Variants in PIGB observed in about 807,000 individuals in gnomAD.
PIGB encodes the protein GPI alpha-1,2-mannosyltransferase 3.
A neutral mutation model predicts 68.4 loss-of-function variants in PIGB; 58 were observed. The ratio of observed to expected loss-of-function variants is 0.85; its 90% CI spans 0.69 to 1.06. The LOEUF (loss-of-function observed/expected upper bound fraction) is 1.06, where lower values mean the gene tolerates loss of function less well. Ranked by LOEUF, PIGB falls within the 50% of genes least tolerant of loss-of-function variation. The pLI is 0.00. For missense variants in PIGB, 634 were observed against 655.8 expected, an observed-to-expected ratio of 0.97 and a Z score of 0.36; for synonymous variants, 219 against 220.5, an observed-to-expected ratio of 0.99 and a Z score of 0.06.
chr15:55,339,195 CA>C, intron 6 of PIGB, 71 bp from the exon 7 acceptor site: 1 of 1,048,056 alleles, frequency 9.5e-7, no homozygotes, highest in Non-Finnish European at 1.4e-6. Flanking sequence ...AAGGCACGTA[CA>C]AAGCCATATG....
chr15:55,321,881 A>C (rs2055175388), intron 3 of PIGB, among the ~76,000 whole-genome samples: 1 of 135,792 alleles, frequency 7.4e-6, no homozygotes, highest in Non-Finnish European at 1.6e-5. Flanking sequence ...CGAACTCCCG[A>C]CCTGAGGTGA....
chr15:55,344,437 T>C (rs974051528), intron 9 of PIGB, among the ~76,000 whole-genome samples: 2 of 152,266 alleles, frequency 1.3e-5, no homozygotes, highest in African/African-American at 4.8e-5. Flanking sequence ...GGAATTTGCA[T>C]ACTGTCACTT....
chr15:55,320,203 C>G (rs1234467259), intron 1 of PIGB, 72 bp from the exon 2 acceptor site: 1 of 1,459,374 alleles, frequency 6.9e-7, no homozygotes, highest in Non-Finnish European at 9.4e-7. Flanking sequence ...ACCAGAGCAG[C>G]AGATTTTAAG....
At chr15:55,332,651 G>A (rs1240035676) in intron 5 of PIGB, among the ~76,000 whole-genome samples, 1 of 152,150 alleles carries the variant, frequency 6.6e-6, no homozygotes, top group African/African-American at 2.4e-5. Flanking sequence ...GGGATTGCAG[G>A]CCTGAGCCAC....
chr15:55,324,866 A>G, intron 3 of PIGB: 2 of 930,978 alleles, frequency 2.1e-6, no homozygotes, highest in South Asian at 9.9e-5. Flanking sequence ...CCTGTATTTT[A>G]CAGGGCACAG....
At chr15:55,330,626 CTT>C (rs1017103073) in intron 5 of PIGB, among the ~76,000 whole-genome samples, 5 of 152,122 alleles carry the variant, frequency 3.3e-5, no homozygotes, top group Admixed American at 6.6e-5. Flanking sequence ...TGGAATGAGA[CTT>C]TGAATTTGGA....
At chr15:55,350,643 G>A in intron 9 of PIGB, 56 bp from the exon 10 acceptor site, 1 of 1,078,542 alleles carries the variant, frequency 9.3e-7, no homozygotes, top group Non-Finnish European at 1.4e-6. Context: ...TGTATTTGCA[G>A]TTAACATAAC....
rs775569291 is a variant in PIGB, at chr15:55,340,824, G to T, written c.1058+1G>T. 2.6e-6 allele frequency: 4 copies of T among 1,557,476 alleles called. No individual in the cohort carries two copies. Among genetic ancestry groups the T allele is most frequent in the South Asian group, 1.2e-5 (1 of 83,214 alleles). ...TGCTGTGGACACTGCTTGTTTATAG[G>T]TAAGATTTTATTTGTTCAAAAGGCT... On this transcript the variant is annotated splice_donor_variant, in intron 8 of 11. Transcript: ENST00000164305. LOFTEE classifies it high-confidence loss of function.
At chr15:55,329,927 A>C in intron 5 of PIGB, 73 bp downstream of exon 5, 1 of 1,111,706 alleles carries the variant, frequency 9.0e-7, no homozygotes, top group Non-Finnish European at 1.3e-6. Context: ...AACATATTGT[A>C]ATGTCTAGTA....
chr15:55,326,485 TAAAA>T (rs35774450), intron 3 of PIGB, among the ~76,000 whole-genome samples: 6,585 of 152,234 alleles, frequency 0.043, 220 homozygotes, highest in Middle Eastern at 0.058. Flanking sequence ...TTGATACATA[TAAAA>T]TAGCATGATA....
chr15:55,354,567 A>C (rs894754696), intron 10 of PIGB: 5 of 433,934 alleles, frequency 1.2e-5, no homozygotes, highest in Non-Finnish European at 2.0e-5. Flanking sequence ...ACTTCTATGC[A>C]CTAGTTTGGG....
intron 6 of PIGB, among the ~76,000 whole-genome samples, chr15:55,334,398 G>C (rs1304564040): frequency 6.6e-6 from 1 of 152,102 alleles, no homozygotes; most frequent in African/African-American, 2.4e-5. Flanking sequence ...TTTTGTAGTA[G>C]AGAAAACAGG....
chr15:55,334,104 T>TC, intron 6 of PIGB, 97 bp downstream of exon 6: 1 of 822,894 alleles, frequency 1.2e-6, no homozygotes, highest in Non-Finnish European at 1.8e-6. Context: ...TTTTATCTTC[T>TC]AATGTCAATG....
intron 3 of PIGB, among the ~76,000 whole-genome samples, chr15:55,324,458 A>G (rs1466189451): frequency 9.2e-5 from 14 of 152,192 alleles, no homozygotes; most frequent in African/African-American, 2.9e-4. Flanking sequence ...GCGAAAGTCT[A>G]CTTTGTTTTA....
In PIGB at chr15:55,319,316, T is replaced by C. The variant is rs748397802; in HGVS notation, c.66T>C (p.His22=). The change falls in exon 1 of 12, where the codon CAT becomes CAC. Residue 22 remains histidine (H), a synonymous_variant. Coordinates refer to ENST00000164305, the MANE Select transcript of PIGB (RefSeq NM_004855.5). ...GCGGAGATGCCAGCCTCACTTTGCATGGTCTCCAGAACCGCTCCCACGGCA... is the reference window on the plus strand; with the variant it reads ...GCGGAGATGCCAGCCTCACTTTGCACGGTCTCCAGAACCGCTCCCACGGCA... ...PGGGDASLTL[H]GLQNRSHGKI... 1.3e-6 allele frequency: 2 copies of C among 1,599,110 alleles called. No homozygotes were observed. The highest frequency in any genetic ancestry group is 1.7e-6 in the Non-Finnish European group (2 of 1,173,340).
At chr15:55,349,962 G>A (rs2055885821) in intron 9 of PIGB, 1 of 152,058 alleles carries the variant, frequency 6.6e-6, no homozygotes, top group Admixed American at 6.6e-5. Flanking sequence ...CTATCAGAGG[G>A]GAGAGAGACT....
chr15:55,351,110 C>CTTTTTTTT (rs374683561), intron 10 of PIGB, among the ~76,000 whole-genome samples, 198 bp downstream of exon 10: 3 of 135,728 alleles, frequency 2.2e-5, no homozygotes, highest in Non-Finnish European at 1.6e-5. Context: ...AACTTTTTTT[C>CTTTTTTTT]TTTTTTTTTT....
rs574364354 is a variant in PIGB, at chr15:55,355,228, T to C, written c.1519-58T>C. On this transcript the variant is annotated intron_variant, in intron 11 of 11. Transcript: ENST00000164305. ...TAGAATAGGCAATTCTAAAATTGAC[T>C]GAAACAGTACTCAGCAAAATGTAGC... 62 of 1,379,580 alleles carry C rather than the reference T, an allele frequency of 4.5e-5. No individual in the cohort carries two copies. The East Asian group carries it at 1.4e-3, about 30-fold the overall frequency. The allele number at this position is 1,379,580 out of a possible 1,614,324, so 85.5% of individuals were successfully genotyped here.
At chr15:55,320,476 CT>C in intron 2 of PIGB, 66 bp downstream of exon 2, 1 of 1,482,518 alleles carries the variant, frequency 6.7e-7, no homozygotes, top group Non-Finnish European at 9.2e-7. Context: ...TGCTCAGTTT[CT>C]TTTAGAGTAG....
Sources: gnomAD v4.1 joint callset for allele counts (sites outside exome capture counted in the v4.1 genomes callset) on GRCh38, gnomAD v4.1.1 for gene constraint, MANE v1.5 for transcripts, NCBI Gene and HGNC (gene_info 2026-07-23, HGNC 2026-07-21) for gene names.